The following TERF2IP variants were observed in gnomAD, a reference collection of about 807,000 sequenced individuals.
TERF2IP encodes telomeric repeat-binding factor 2-interacting protein 1.
In TERF2IP, 35 loss-of-function variants were observed where a neutral mutation model predicts 33.3. That is an observed-to-expected ratio of 1.05 (90% CI 0.80 to 1.39). The LOEUF (loss-of-function observed/expected upper bound fraction) is 1.39. Ranked by LOEUF, TERF2IP falls within the 40% of genes most tolerant of loss-of-function variation. TERF2IP has a pLI of 0.00. For missense variants in TERF2IP, 583 were observed against 524.8 expected (o/e 1.11, Z -1.08); for synonymous variants, 253 against 223.2 (o/e 1.13, Z -1.19).
At chr16:75,654,173 A>AATT in intron 1 of TERF2IP, 100 bp from the exon 2 acceptor site, 1 of 716,336 alleles carries the variant, frequency 1.4e-6, no homozygotes, top group Non-Finnish European at 2.0e-6. Flanking sequence ...AAAAAAAAAA[A>AATT]GTGCAGGCTC....
chr16:75,655,754 A>G (rs1387765473), intron 2 of TERF2IP, among the ~76,000 whole-genome samples: 1 of 152,166 alleles, frequency 6.6e-6, no homozygotes, highest in African/African-American at 2.4e-5. Context: ...ATTGGTGGGT[A>G]TTGGAGATGT....
At chr16:75,648,606 T>G (rs1317049673) in intron 1 of TERF2IP, 54 bp downstream of exon 1, 1 of 1,462,290 alleles carries the variant, frequency 6.8e-7, no homozygotes, top group East Asian at 2.5e-5. Context: ...GGGGTTGGGA[T>G]CTTTCTCCTG....
chr16:75,648,548 C>G lies in TERF2IP; in HGVS notation c.666C>G (p.Ser222Arg), dbSNP rs752149885. 4 of 1,553,498 alleles carry G rather than the reference C, an allele frequency of 2.6e-6. No individual in the cohort carries two copies. The South Asian group carries it at 3.5e-5, about 14-fold the overall frequency. ...KAEEDPEAAD[S>R]GEPQNKRTPD... ...AGGAGGACCCGGAGGCCGCGGATAG[C>G]GGGGGTGAGGAGGCTGAGCGCGGGG... Residue 222 changes from serine (S) to arginine (R), a missense_variant, in exon 1 of 3, where the codon AGC (serine) becomes AGG (arginine). Transcript: ENST00000300086.
chr16:75,656,698 C>T lies in TERF2IP; in HGVS notation c.*87C>T, dbSNP rs192591533. The stretch of plus-strand genomic sequence containing the variant: ...ACCAATGAACTTTAGAGAGTTCTTG[C>T]ATTGGAACTGGCACTTATTTTCTGA... On this transcript the variant is annotated 3_prime_UTR_variant, in exon 3 of 3. Coordinates refer to ENST00000300086, the MANE Select transcript of TERF2IP (RefSeq NM_018975.4). 6.6e-4 allele frequency: 837 copies of T among 1,270,436 alleles called. 2 individuals carry two copies. Among genetic ancestry groups the T allele is most frequent in the Middle Eastern group, 4.8e-3 (17 of 3,542 alleles). 78.7% of individuals were successfully genotyped at this position (1,270,436 alleles called of 1,614,324 possible). A position where few individuals can be genotyped will look rare whatever the true frequency, so the allele number is the denominator to read the frequency against.
In TERF2IP at chr16:75,648,572, G is replaced by C. The variant is rs896983572; in HGVS notation, c.670+20G>C. The stretch of plus-strand genomic sequence containing the variant: ...GCGGGGGTGAGGAGGCTGAGCGCGG[G>C]GCCTCGCGGATATCTGCGCGGGTGG... On this transcript the variant is annotated intron_variant, in intron 1 of 2. Transcript: ENST00000300086. 1.8e-5 allele frequency: 28 copies of C among 1,515,572 alleles called. No individual in the cohort carries two copies. The African/African-American group carries it at 3.7e-4, about 20-fold the overall frequency. 93.9% of individuals were successfully genotyped at this position (1,515,572 alleles called of 1,614,324 possible).
At chr16:75,651,692 A>G (rs1360214884) in intron 1 of TERF2IP, among the ~76,000 whole-genome samples, 2 of 152,198 alleles carry the variant, frequency 1.3e-5, no homozygotes, top group African/African-American at 4.8e-5. Context: ...CCATCTCGGA[A>G]AGAAAAAAAG....
intron 1 of TERF2IP, among the ~76,000 whole-genome samples, chr16:75,651,427 G>A (rs1413476854): frequency 6.6e-6 from 1 of 152,188 alleles, no homozygotes; most frequent in African/African-American, 2.4e-5. Flanking sequence ...GGTGGCTCAT[G>A]CCTGTAATCC....
At chr16:75,654,754 A>C (rs1361045087) in intron 2 of TERF2IP, among the ~76,000 whole-genome samples, 1 of 152,202 alleles carries the variant, frequency 6.6e-6, no homozygotes, top group African/African-American at 2.4e-5. Context: ...TTTGAGCCAG[A>C]GTCTGGCTCT....
intron 2 of TERF2IP, among the ~76,000 whole-genome samples, chr16:75,654,986 C>T (rs992424358): frequency 6.6e-6 from 1 of 150,788 alleles, no homozygotes; most frequent in Non-Finnish European, 1.5e-5. Flanking sequence ...CCTTGGCCTC[C>T]CAAAGTGCTG....
chr16:75,650,590 C>T (rs1276094721), intron 1 of TERF2IP, among the ~76,000 whole-genome samples: 2 of 152,034 alleles, frequency 1.3e-5, no homozygotes, highest in Non-Finnish European at 2.9e-5. Flanking sequence ...GGCTGGAGTG[C>T]GGTAGTGCGA....
intron 1 of TERF2IP, among the ~76,000 whole-genome samples, chr16:75,651,892 A>G (rs905175075): frequency 1.3e-5 from 2 of 152,112 alleles, no homozygotes; most frequent in Non-Finnish European, 2.9e-5. Context: ...TAACTAAATC[A>G]GAGCAAGGAG....
chr16:75,648,705 C>T, intron 1 of TERF2IP, 153 bp downstream of exon 1: 1 of 1,431,914 alleles, frequency 7.0e-7, no homozygotes, highest in South Asian at 1.5e-5. Context: ...CATTTTCTTG[C>T]CTTCTCGCTC....
intron 2 of TERF2IP, among the ~76,000 whole-genome samples, chr16:75,654,753 G>C (rs1275182082): frequency 6.6e-6 from 1 of 152,190 alleles, no homozygotes; most frequent in Non-Finnish European, 1.5e-5. Flanking sequence ...TTTTGAGCCA[G>C]AGTCTGGCTC....
rs111634375 is a variant in TERF2IP, at chr16:75,657,008, T to C, written c.*397T>C. On this transcript the variant is annotated 3_prime_UTR_variant, in exon 3 of 3. Coordinates refer to ENST00000300086, the MANE Select transcript of TERF2IP (RefSeq NM_018975.4). Reference sequence around the variant, plus strand: ...CTCCTGTCCTTTGGCAGAAGCTCCTTTAGATTGGGATAGATTCCAAATAAA... The same window carrying C: ...CTCCTGTCCTTTGGCAGAAGCTCCTCTAGATTGGGATAGATTCCAAATAAA... The C allele has an allele frequency of 5.8e-4, 94 of 162,816 alleles. No individual in the cohort carries two copies. The highest frequency in any genetic ancestry group is 1.2e-3 in the Admixed American group (19 of 16,084). 10.1% of individuals were successfully genotyped at this position (162,816 alleles called of 1,614,324 possible). A position where few individuals can be genotyped will look rare whatever the true frequency, so the allele number is the denominator to read the frequency against.
chr16:75,652,530 C>T (rs1220748221), intron 1 of TERF2IP, among the ~76,000 whole-genome samples: 3 of 152,172 alleles, frequency 2.0e-5, no homozygotes, highest in Non-Finnish European at 2.9e-5. Flanking sequence ...ATCCCAACTT[C>T]CTGGACTGTT....
intron 1 of TERF2IP, 137 bp downstream of exon 1, chr16:75,648,689 T>C: frequency 7.0e-7 from 1 of 1,432,956 alleles, no homozygotes; most frequent in African/African-American, 1.4e-5. Flanking sequence ...CCGGGTAAAT[T>C]TGCACCATTT....
intron 1 of TERF2IP, among the ~76,000 whole-genome samples, chr16:75,653,866 A>G (rs978884825): frequency 1.3e-5 from 2 of 152,102 alleles, no homozygotes; most frequent in Non-Finnish European, 2.9e-5. Context: ...CTCTTCCACA[A>G]AGGTTTTCCC....
chr16:75,654,465 G>A lies in TERF2IP; in HGVS notation c.795+68G>A, dbSNP rs552193380. On this transcript the variant is annotated intron_variant, in intron 2 of 2. Coordinates refer to ENST00000300086, the MANE Select transcript of TERF2IP (RefSeq NM_018975.4). ...ATTCTTCTTTGAAACTGGTTATCCT[G>A]TACACCTTTTTCATCTACCTGGGGC... is the stretch of plus-strand genomic sequence containing the variant. 49 of 1,518,510 alleles carry A rather than the reference G, an allele frequency of 3.2e-5. No individual in the cohort carries two copies. The African/African-American group carries it at 4.5e-4, about 14-fold the overall frequency. 94.1% of individuals were successfully genotyped at this position (1,518,510 alleles called of 1,614,324 possible). A position where few individuals can be genotyped will look rare whatever the true frequency, so the allele number is the denominator to read the frequency against.
At chr16:75,648,703 T>A in intron 1 of TERF2IP, 151 bp downstream of exon 1, 1 of 1,432,502 alleles carries the variant, frequency 7.0e-7, no homozygotes, top group South Asian at 1.5e-5. Context: ...ACCATTTTCT[T>A]GCCTTCTCGC....
Sources: allele counts gnomAD v4.1 joint callset (sites outside exome capture counted in the v4.1 genomes callset), GRCh38; gene constraint gnomAD v4.1.1; transcripts MANE v1.5; gene names NCBI Gene and HGNC (gene_info 2026-07-23, HGNC 2026-07-21).